The following CAMK2D variants were observed in gnomAD, a reference collection of about 807,000 sequenced individuals.
CAMK2D encodes calcium/calmodulin-dependent protein kinase type II subunit delta.
Under a neutral mutation model 84.0 loss-of-function variants are expected in CAMK2D, and 37 were observed. That is an observed-to-expected ratio of 0.44 (90% CI 0.34 to 0.58). CAMK2D has a LOEUF of 0.58. CAMK2D is among the 20% of genes least tolerant of loss of function. The pLI is 0.02. For synonymous variants in CAMK2D, 202 were observed against 212.5 expected (o/e 0.95, Z 0.43); for missense variants, 448 against 652.5 (o/e 0.69, Z 3.41).
chr4:113,515,632 G>T (rs1300313095), intron 9 of CAMK2D, among the ~76,000 whole-genome samples: 1 of 152,122 alleles, frequency 6.6e-6, no homozygotes, highest in Non-Finnish European at 1.5e-5. Flanking sequence ...TCAAAATGAG[G>T]TATTATATAC....
intron 2 of CAMK2D, among the ~76,000 whole-genome samples, chr4:113,750,965 A>C (rs2099615795): frequency 6.6e-6 from 1 of 152,220 alleles, no homozygotes; most frequent in South Asian, 2.1e-4. Context: ...GGCTGCAGTA[A>C]GCTAGGTTCT....
chr4:113,457,894 G>A (rs1007991683), intron 18 of CAMK2D, among the ~76,000 whole-genome samples: 5 of 152,208 alleles, frequency 3.3e-5, no homozygotes, highest in Non-Finnish European at 7.3e-5. Context: ...GAATAGAAGT[G>A]AAGAAGGCCT....
chr4:113,716,481 T>A (rs1272904312), intron 2 of CAMK2D, among the ~76,000 whole-genome samples: 1 of 151,738 alleles, frequency 6.6e-6, no homozygotes, highest in Non-Finnish European at 1.5e-5. Flanking sequence ...AAAACCCCTG[T>A]CTCTACAAAA....
intron 3 of CAMK2D, among the ~76,000 whole-genome samples, chr4:113,646,420 G>A (rs1423064955): frequency 6.6e-6 from 1 of 152,146 alleles, no homozygotes; most frequent in African/African-American, 2.4e-5. Context: ...ACAAAATCTT[G>A]TTAAGTGCAT....
At chr4:113,454,548 T>C in intron 20 of CAMK2D, 33 bp from the exon 21 acceptor site, 1 of 776,550 alleles carries the variant, frequency 1.3e-6, no homozygotes, top group Non-Finnish European at 2.4e-6. Context: ...AGAAATAAAT[T>C]ATATTGTTTT....
chr4:113,462,122 C>A (rs1309844856), intron 17 of CAMK2D, among the ~76,000 whole-genome samples: 5 of 152,096 alleles, frequency 3.3e-5, no homozygotes, highest in Non-Finnish European at 7.4e-5. Context: ...GCTATTACTT[C>A]CTCTATAAAT....
chr4:113,568,130 T>G (rs2098734545), intron 4 of CAMK2D, among the ~76,000 whole-genome samples: 1 of 152,178 alleles, frequency 6.6e-6, no homozygotes, highest in Admixed American at 6.5e-5. Context: ...CCTTAAAAAA[T>G]TCTTAAGGGC....
In CAMK2D at chr4:113,452,997, C is replaced by T. The variant is rs894775513; in HGVS notation, c.*1548G>A. 1 of 152,238 alleles carries T rather than the reference C, an allele frequency of 6.6e-6. No homozygotes were observed. Among genetic ancestry groups the T allele is most frequent in the African/African-American group, 2.4e-5 (1 of 41,404 alleles). 9.4% of individuals were successfully genotyped at this position (152,238 alleles called of 1,614,324 possible). On this transcript the variant is annotated 3_prime_UTR_variant, in exon 21 of 21. Coordinates refer to ENST00000511664, the MANE Select transcript of CAMK2D (RefSeq NM_001321571.2). The stretch of plus-strand genomic sequence containing the variant: ...ATTTTGTTTTTCTTTTTTGCTTCTG[C>T]TTTAAAAATAGGCTTCTGAGGACTG...
intron 8 of CAMK2D, among the ~76,000 whole-genome samples, chr4:113,523,680 A>G (rs2154176009): frequency 6.6e-6 from 1 of 152,006 alleles, no homozygotes. Context: ...GCTAAGGCAG[A>G]AGGATAACTT....
chr4:113,632,126 G>A (rs2099092206), intron 3 of CAMK2D, among the ~76,000 whole-genome samples: 1 of 152,172 alleles, frequency 6.6e-6, no homozygotes, highest in African/African-American at 2.4e-5. Flanking sequence ...TGTGAATAGA[G>A]AGGTTCCTGA....
At chr4:113,747,689 T>G (rs549703532) in intron 2 of CAMK2D, among the ~76,000 whole-genome samples, 6 of 152,274 alleles carry the variant, frequency 3.9e-5, no homozygotes, top group Non-Finnish European at 8.8e-5. Flanking sequence ...TTTTTTGTAT[T>G]GCCCCAAGGC....
At chr4:113,744,890 A>G (rs980716691) in intron 2 of CAMK2D, among the ~76,000 whole-genome samples, 3 of 152,226 alleles carry the variant, frequency 2.0e-5, no homozygotes, top group African/African-American at 7.2e-5. Flanking sequence ...CAGTGTGAAT[A>G]TATTGTGTAT....
At chr4:113,589,238 G>C (rs905465766) in intron 4 of CAMK2D, among the ~76,000 whole-genome samples, 39 of 152,122 alleles carry the variant, frequency 2.6e-4, no homozygotes, top group African/African-American at 8.7e-4. Flanking sequence ...GTTGAGAGAA[G>C]ACTATATGAA....
chr4:113,680,580 G>T (rs1443915646), intron 2 of CAMK2D, among the ~76,000 whole-genome samples: 1 of 152,158 alleles, frequency 6.6e-6, no homozygotes, highest in African/African-American at 2.4e-5. Context: ...AGCTGAGTGG[G>T]ACAAACAAAC....
At chr4:113,591,981 T>C (rs1263257069) in intron 4 of CAMK2D, among the ~76,000 whole-genome samples, 3 of 152,234 alleles carry the variant, frequency 2.0e-5, no homozygotes, top group Non-Finnish European at 4.4e-5. Context: ...CAGATATGTC[T>C]TATTCATGGG....
intron 2 of CAMK2D, among the ~76,000 whole-genome samples, chr4:113,749,824 T>C (rs2099613201): frequency 6.6e-6 from 1 of 152,214 alleles, no homozygotes; most frequent in African/African-American, 2.4e-5. Flanking sequence ...GAATTTGTCA[T>C]GACAAAACTT....
intron 3 of CAMK2D, among the ~76,000 whole-genome samples, chr4:113,656,832 ACT>A (rs1462755679): frequency 1.3e-5 from 2 of 151,830 alleles, no homozygotes; most frequent in African/African-American, 4.8e-5. Flanking sequence ...AGTGACCAAG[ACT>A]CTCTCCCTAA....
intron 16 of CAMK2D, among the ~76,000 whole-genome samples, chr4:113,497,235 G>C (rs996066249): frequency 6.6e-6 from 1 of 151,974 alleles, no homozygotes; most frequent in Non-Finnish European, 1.5e-5. Context: ...TCATATAAAG[G>C]GTAGGAAACA....
At chr4:113,753,855 A>G in intron 2 of CAMK2D, 1 of 984,714 alleles carries the variant, frequency 1.0e-6, no homozygotes, top group Non-Finnish European at 1.2e-6. Flanking sequence ...TCTTTAAATC[A>G]ATACTATATG....
Sources: gnomAD v4.1 joint callset for allele counts (sites outside exome capture counted in the v4.1 genomes callset) on GRCh38, gnomAD v4.1.1 for gene constraint, MANE v1.5 for transcripts, NCBI Gene and HGNC (gene_info 2026-07-23, HGNC 2026-07-21) for gene names.